Variants in MYO5B observed in about 807,000 individuals in gnomAD.
The protein encoded by MYO5B is unconventional myosin-Vb.
In MYO5B, 143 loss-of-function variants were observed where a neutral mutation model predicts 229.3. The ratio of observed to expected loss-of-function variants is 0.62; its 90% CI spans 0.54 to 0.72. The LOEUF (loss-of-function observed/expected upper bound fraction) is 0.72. Ranked by LOEUF, MYO5B falls within the 30% of genes least tolerant of loss-of-function variation. MYO5B has a pLI of 0.00. For missense variants in MYO5B, 2,321 were observed against 2,331.0 expected (o/e 1.00, Z 0.09); for synonymous variants, 918 against 885.2 (o/e 1.04, Z -0.66).
At chr18:49,973,041 C>G (rs1284715918) in intron 10 of MYO5B, among the ~76,000 whole-genome samples, 2 of 152,178 alleles carry the variant, frequency 1.3e-5, no homozygotes, top group Non-Finnish European at 2.9e-5. Context: ...TTAGCTCCCA[C>G]ATAAAGCTTG....
At chr18:50,104,606 T>A (rs2031721868) in intron 1 of MYO5B, among the ~76,000 whole-genome samples, 1 of 152,194 alleles carries the variant, frequency 6.6e-6, no homozygotes, top group African/African-American at 2.4e-5. Flanking sequence ...TTCTTAGGTT[T>A]CCCACAACTA....
chr18:50,191,445 A>T (rs951388), intron 1 of MYO5B, among the ~76,000 whole-genome samples: 24 of 151,860 alleles, frequency 1.6e-4, no homozygotes, highest in Non-Finnish European at 1.5e-5. Flanking sequence ...CTCTGGTGAC[A>T]CCAGTTTTGT....
chr18:50,053,002 G>C (rs1175305675), intron 2 of MYO5B, among the ~76,000 whole-genome samples: 1 of 152,166 alleles, frequency 6.6e-6, no homozygotes, highest in East Asian at 1.9e-4. Context: ...AGGTTGGTTG[G>C]AAGAGGCTGC....
chr18:50,149,011 A>G (rs1599058102), intron 1 of MYO5B, among the ~76,000 whole-genome samples: 1 of 150,804 alleles, frequency 6.6e-6, no homozygotes, highest in African/African-American at 2.4e-5. Context: ...TCAATGTACA[A>G]AAATCACAAG....
intron 36 of MYO5B, 91 bp downstream of exon 36, chr18:49,839,053 C>G (rs2024024273): frequency 2.0e-6 from 3 of 1,521,092 alleles, no homozygotes; most frequent in Non-Finnish European, 2.7e-6. Flanking sequence ...GCTAAGATAT[C>G]TGGTTCCCGA....
chr18:49,878,331 CT>C (rs150305502), intron 24 of MYO5B, among the ~76,000 whole-genome samples: 6,444 of 150,478 alleles, frequency 0.043, 176 homozygotes, highest in South Asian at 0.16. Context: ...TTTAAAAATA[CT>C]TTTTTTTTTC....
chr18:50,118,416 G>C (rs2032001483), intron 1 of MYO5B, among the ~76,000 whole-genome samples: 1 of 152,242 alleles, frequency 6.6e-6, no homozygotes, highest in South Asian at 2.1e-4. Flanking sequence ...TCAATTAAGA[G>C]CTAGAAGCCT....
intron 4 of MYO5B, among the ~76,000 whole-genome samples, chr18:50,001,822 G>T (rs1598943886): frequency 2.0e-5 from 3 of 151,970 alleles, no homozygotes; most frequent in African/African-American, 7.3e-5. Flanking sequence ...ATGAGGTCAG[G>T]AGTTCGAGGC....
At chr18:50,148,635 C>A (rs1172771006) in intron 1 of MYO5B, among the ~76,000 whole-genome samples, 1 of 151,992 alleles carries the variant, frequency 6.6e-6, no homozygotes, top group South Asian at 2.1e-4. Context: ...AATTCAACAA[C>A]CTTCATGCTA....
chr18:50,010,349 G>C (rs1040393941), intron 4 of MYO5B, among the ~76,000 whole-genome samples: 2 of 152,144 alleles, frequency 1.3e-5, no homozygotes, highest in African/African-American at 4.8e-5. Context: ...TCTCAGATGA[G>C]ATACCATCAC....
Position 49,879,065 on chromosome 18 carries a change from C to A in MYO5B, c.3156G>T (p.Lys1052Asn). The A allele has an allele frequency of 6.2e-7, 1 of 1,613,614 alleles. No homozygotes were observed. The highest frequency in any genetic ancestry group is 2.2e-5 in the East Asian group (1 of 44,842). The change falls in exon 24 of 40, where the codon AAG (lysine) becomes AAT (asparagine). Residue 1052 changes from lysine to asparagine, a missense_variant. Coordinates refer to ENST00000285039, the MANE Select transcript of MYO5B (RefSeq NM_001080467.3). The stretch of plus-strand genomic sequence containing the variant: ...CCAGTTCTTTCTTCATGAGATTTTC[C>A]TTCACAGAGTTCTGGGCAAATTCAT... ...SKDEFAQNSV[K>N]ENLMKKELEE...
intron 4 of MYO5B, among the ~76,000 whole-genome samples, chr18:50,014,067 T>C (rs2026190797): frequency 6.6e-6 from 1 of 152,202 alleles, no homozygotes; most frequent in Non-Finnish European, 1.5e-5. Flanking sequence ...AGCTTCTTCC[T>C]TCAAATTCTT....
Position 50,121,232 on chromosome 18 carries a change from A to G in MYO5B, c.28-65854T>C, listed in dbSNP as rs368962487. Among the ~76,000 whole-genome samples, 4 of 152,292 alleles carry G rather than the reference A, an allele frequency of 2.6e-5. No individual in the cohort carries two copies. In the East Asian group the frequency reaches 7.7e-4, roughly 29 times the overall value. On this transcript the variant is annotated intron_variant, in intron 1 of 39. Coordinates refer to ENST00000285039, the MANE Select transcript of MYO5B (RefSeq NM_001080467.3). The stretch of plus-strand genomic sequence containing the variant: ...CCCCCAGCGTGCCCACGTGGTCTTC[A>G]TTCCAAAGCTTGCGTTATCTGTCCC...
At chr18:49,962,190 C>T (rs1409794254) in intron 12 of MYO5B, 76 bp downstream of exon 12, 1 of 1,593,686 alleles carries the variant, frequency 6.3e-7, no homozygotes, top group Non-Finnish European at 8.6e-7. Context: ...TGAAATTCCA[C>T]CTTTGAGATC....
At chr18:50,062,320 A>C (rs777400082) in intron 1 of MYO5B, among the ~76,000 whole-genome samples, 1 of 152,186 alleles carries the variant, frequency 6.6e-6, no homozygotes, top group Non-Finnish European at 1.5e-5. Flanking sequence ...GGGAATGGAC[A>C]AGGGATCCCA....
At chr18:49,964,947 G>A (rs766803357) in intron 10 of MYO5B, among the ~76,000 whole-genome samples, 1 of 152,194 alleles carries the variant, frequency 6.6e-6, no homozygotes. Flanking sequence ...TACGCCAAGG[G>A]GTCTGGAATT....
chr18:50,108,144 G>T (rs899612307), intron 1 of MYO5B, among the ~76,000 whole-genome samples: 2 of 152,220 alleles, frequency 1.3e-5, no homozygotes, highest in African/African-American at 4.8e-5. Context: ...CTGGCTTCAA[G>T]AGATCTGCCT....
chr18:50,013,202 G>C lies in MYO5B; in HGVS notation c.456-11791C>G, dbSNP rs886427817. 5.9e-5 allele frequency among the ~76,000 whole-genome samples: 9 copies of C among 152,174 alleles called. No homozygotes were observed. In the East Asian group the frequency reaches 1.7e-3, roughly 29 times the overall value. ...TGAAAAACAAATCAATCATTCATTA[G>C]GCTGGCAGGAAAACTTGCTGACCTC... On this transcript the variant is annotated intron_variant, in intron 4 of 39. Transcript: ENST00000285039.
At chr18:49,846,471 G>A (rs558297450) in intron 33 of MYO5B, among the ~76,000 whole-genome samples, 3 of 152,144 alleles carry the variant, frequency 2.0e-5, no homozygotes, top group African/African-American at 2.4e-5. Context: ...CAAGAACACT[G>A]GTGAGTAGCA....
Sources: gnomAD v4.1 joint callset for allele counts (sites outside exome capture counted in the v4.1 genomes callset) on GRCh38, gnomAD v4.1.1 for gene constraint, MANE v1.5 for transcripts, NCBI Gene and HGNC (gene_info 2026-07-23, HGNC 2026-07-21) for gene names.